Variants in CORIN observed in about 807,000 individuals in gnomAD.
CORIN encodes atrial natriuretic peptide-converting enzyme.
A neutral mutation model predicts 125.3 loss-of-function variants in CORIN; 117 were observed. That is an observed-to-expected ratio of 0.93 (90% CI 0.80 to 1.09). The LOEUF is 1.09. CORIN is among the 50% of genes least tolerant of loss of function. CORIN has a pLI of 0.00. For synonymous variants in CORIN, 450 were observed against 466.4 expected, an observed-to-expected ratio of 0.96 and a Z score of 0.45; for missense variants, 1,253 against 1,306.7, an observed-to-expected ratio of 0.96 and a Z score of 0.63.
intron 1 of CORIN, among the ~76,000 whole-genome samples, chr4:47,837,177 G>C (rs975103617): frequency 3.2e-4 from 49 of 152,216 alleles, no homozygotes; most frequent in Non-Finnish European, 1.3e-4. Context: ...TGCCTAGGCA[G>C]GTTCACGCCG....
At chr4:47,760,896 T>A (rs769443363) in intron 4 of CORIN, among the ~76,000 whole-genome samples, 1 of 152,242 alleles carries the variant, frequency 6.6e-6, no homozygotes, top group Non-Finnish European at 1.5e-5. Context: ...ATTTATGTCA[T>A]GGAGATGGTT....
intron 3 of CORIN, among the ~76,000 whole-genome samples, chr4:47,769,428 A>T (rs1729918254): frequency 6.6e-6 from 1 of 152,104 alleles, no homozygotes; most frequent in South Asian, 2.1e-4. Context: ...GGAAGGATTA[A>T]TCTCATTAAA....
intron 13 of CORIN, among the ~76,000 whole-genome samples, chr4:47,648,564 T>C (rs1181930911): frequency 6.6e-6 from 1 of 151,908 alleles, no homozygotes; most frequent in South Asian, 2.1e-4. Flanking sequence ...CACCCCCAAA[T>C]GGAATACCTT....
chr4:47,679,985 C>T lies in CORIN; in HGVS notation c.1132+156G>A, dbSNP rs1725192094. 5 of 546,284 alleles carry T rather than the reference C, an allele frequency of 9.2e-6. No individual in the cohort carries two copies. The South Asian group carries it at 1.1e-4, about 12-fold the overall frequency. 33.8% of individuals were successfully genotyped at this position (546,284 alleles called of 1,614,324 possible). On this transcript the variant is annotated intron_variant, in intron 8 of 21. Transcript: ENST00000273857. ...CTCCATTGCTATTGTCATCCCATGACTCAGTGATCTTTACAGGCTAGAACC... is the reference window on the plus strand; with the variant it reads ...CTCCATTGCTATTGTCATCCCATGATTCAGTGATCTTTACAGGCTAGAACC...
intron 1 of CORIN, among the ~76,000 whole-genome samples, chr4:47,818,361 A>C (rs1047818733): frequency 3.9e-5 from 6 of 152,150 alleles, no homozygotes; most frequent in African/African-American, 1.4e-4. Context: ...TAAAGAGTTT[A>C]TTGGAAAGAG....
chr4:47,628,429 C>T (rs1553905468), intron 16 of CORIN, among the ~76,000 whole-genome samples: 1 of 144,602 alleles, frequency 6.9e-6, no homozygotes, highest in Non-Finnish European at 1.5e-5. Flanking sequence ...TCTATCACCA[C>T]ATAGTTACGT....
At chr4:47,832,816 C>T (rs1412451766) in intron 1 of CORIN, among the ~76,000 whole-genome samples, 1 of 152,098 alleles carries the variant, frequency 6.6e-6, no homozygotes, top group East Asian at 1.9e-4. Context: ...AGAGAACAGC[C>T]TGCAACGAAG....
At chr4:47,799,255 C>T (rs1227807113) in intron 2 of CORIN, among the ~76,000 whole-genome samples, 2 of 151,762 alleles carry the variant, frequency 1.3e-5, no homozygotes, top group African/African-American at 4.8e-5. Context: ...GTGTGTGTGT[C>T]TTTTTGGTGG....
intron 3 of CORIN, among the ~76,000 whole-genome samples, chr4:47,773,671 A>G (rs1383499302): frequency 6.6e-6 from 1 of 152,146 alleles, no homozygotes; most frequent in Non-Finnish European, 1.5e-5. Flanking sequence ...TGTTCTACAT[A>G]CTCAAAAGGA....
At chr4:47,614,184 A>G (rs929654782) in intron 19 of CORIN, among the ~76,000 whole-genome samples, 2 of 152,076 alleles carry the variant, frequency 1.3e-5, no homozygotes, top group South Asian at 2.1e-4. Flanking sequence ...TTTACCCCCA[A>G]TTTCTTTTTT....
intron 5 of CORIN, among the ~76,000 whole-genome samples, chr4:47,733,595 G>A (rs891323337): frequency 1.2e-4 from 18 of 152,122 alleles, no homozygotes; most frequent in African/African-American, 4.1e-4. Flanking sequence ...ACAGAAATAC[G>A]ATTTAAAATC....
At chr4:47,669,564 T>C (rs1225810848) in intron 10 of CORIN, among the ~76,000 whole-genome samples, 2 of 150,936 alleles carry the variant, frequency 1.3e-5, no homozygotes, top group Non-Finnish European at 2.9e-5. Flanking sequence ...TATATATATA[T>C]ATATATGCTT....
At chr4:47,757,878 G>GTGTATATATATATATA (rs754526773) in intron 4 of CORIN, among the ~76,000 whole-genome samples, 1 of 123,914 alleles carries the variant, frequency 8.1e-6, no homozygotes, top group African/African-American at 3.3e-5. Context: ...ATATATATAT[G>GTGTATATATATATATA]TATATATATA....
intron 5 of CORIN, among the ~76,000 whole-genome samples, chr4:47,726,520 A>G (rs1727605392): frequency 6.6e-6 from 1 of 152,146 alleles, no homozygotes; most frequent in Non-Finnish European, 1.5e-5. Flanking sequence ...AGAACAGATC[A>G]GCAGTTTCCA....
intron 1 of CORIN, among the ~76,000 whole-genome samples, chr4:47,836,130 T>C (rs1401371565): frequency 1.3e-5 from 2 of 152,170 alleles, no homozygotes; most frequent in East Asian, 3.9e-4. Flanking sequence ...ATGGAAAACC[T>C]GCCTGGTCAG....
At chr4:47,806,082 T>G (rs984582901) in intron 2 of CORIN, among the ~76,000 whole-genome samples, 12 of 152,198 alleles carry the variant, frequency 7.9e-5, no homozygotes, top group Non-Finnish European at 1.8e-4. Flanking sequence ...CAGCACATAT[T>G]ACTTGGTTTC....
At chr4:47,738,426 C>T (rs1728232856) in intron 5 of CORIN, among the ~76,000 whole-genome samples, 1 of 152,134 alleles carries the variant, frequency 6.6e-6, no homozygotes, top group African/African-American at 2.4e-5. Context: ...AAATTCTGTC[C>T]AACCATTAGT....
chr4:47,835,822 G>A (rs1160698325), intron 1 of CORIN, among the ~76,000 whole-genome samples: 1 of 152,186 alleles, frequency 6.6e-6, no homozygotes, highest in Non-Finnish European at 1.5e-5. Context: ...TATGAGGAAG[G>A]TTTCTGATGG....
At chr4:47,692,116 C>T (rs917604310) in intron 6 of CORIN, among the ~76,000 whole-genome samples, 4 of 151,750 alleles carry the variant, frequency 2.6e-5, no homozygotes, top group Non-Finnish European at 5.9e-5. Flanking sequence ...TCAGTATTCT[C>T]AAGCACTTAT....
Sources: gnomAD v4.1 joint callset for allele counts (sites outside exome capture counted in the v4.1 genomes callset) on GRCh38, gnomAD v4.1.1 for gene constraint, MANE v1.5 for transcripts, NCBI Gene and HGNC (gene_info 2026-07-23, HGNC 2026-07-21) for gene names.